Variants in KIF16B observed in about 807,000 individuals in gnomAD.
The protein encoded by KIF16B is kinesin family member 16B, also known as kinesin-like protein KIF16B.
A neutral mutation model predicts 156.3 loss-of-function variants in KIF16B; 98 were observed. The ratio of observed to expected loss-of-function variants is 0.63; its 90% CI spans 0.53 to 0.74. The LOEUF (loss-of-function observed/expected upper bound fraction) is 0.74, where lower values mean the gene tolerates loss of function less well. KIF16B is among the 30% of genes least tolerant of loss of function. The probability of loss-of-function intolerance (pLI) is 0.00; values close to 1 mark genes in which losing one functional copy is unlikely to be tolerated. For synonymous variants in KIF16B, 564 were observed against 583.7 expected (o/e 0.97, Z 0.49); for missense variants, 1,421 against 1,606.5 (o/e 0.88, Z 1.97).
At chr20:16,274,075 T>TAAA (rs56847164) in intron 25 of KIF16B, among the ~76,000 whole-genome samples, 81 of 118,750 alleles carry the variant, frequency 6.8e-4, no homozygotes, top group African/African-American at 2.5e-3. Context: ...GAAAGATGAT[T>TAAA]AAAAAAAAAA....
chr20:16,525,104 G>A (rs1462238832), intron 3 of KIF16B, among the ~76,000 whole-genome samples: 5 of 151,608 alleles, frequency 3.3e-5, no homozygotes, highest in Non-Finnish European at 2.9e-5. Flanking sequence ...GCAGCAAACC[G>A]CCATGGCACG....
rs75061145 is a variant in KIF16B at position 16,298,247 on chromosome 20, C to T, written c.3795+14088G>A. ...GGCCAGATAGGTTTGAGAACCACAG[C>T]TTTGGGACTCACATCCTCTGACCTT... On this transcript the variant is annotated intron_variant, in intron 25 of 25. Transcript: ENST00000354981. 1.8e-4 allele frequency among the ~76,000 whole-genome samples: 28 copies of T among 152,328 alleles called. No homozygotes were observed. In the East Asian group the frequency reaches 4.6e-3, roughly 25 times the overall value.
Position 16,507,979 on chromosome 20 carries a change from G to A in KIF16B, c.678C>T (p.Ile226=), listed in dbSNP as rs933748632. Residue 226 remains isoleucine (I), a synonymous_variant, in exon 7 of 26, where the codon ATC becomes ATT. Transcript: ENST00000354981. ...MNDVSSRSHA[I]FTIKFTQAKF... is the part of the protein sequence containing the mutation. ...TTACCTGAGTGAACTTGATGGTGAAGATGGCATGAGACCTGCTACTGACGT... is the reference window on the plus strand; with the variant it reads ...TTACCTGAGTGAACTTGATGGTGAAAATGGCATGAGACCTGCTACTGACGT... The A allele has an allele frequency of 6.2e-6, 10 of 1,614,148 alleles. No homozygotes were observed. Among genetic ancestry groups the A allele is most frequent in the Non-Finnish European group, 8.5e-6 (10 of 1,180,004 alleles).
intron 22 of KIF16B, chr20:16,367,101 T>C (rs1288772261): frequency 6.7e-7 from 1 of 1,501,360 alleles, no homozygotes; most frequent in Non-Finnish European, 8.9e-7. Context: ...CTTATTTTAT[T>C]AATGATCTCA....
In KIF16B at chr20:16,573,410, G is replaced by A; in HGVS notation, c.-135C>T. Reference sequence around the variant, plus strand: ...GCCCCTCTGCTCCCGGCCGGACCTGGAGTTCCGCGGCAGCCCCACCTGCCA... The same window carrying A: ...GCCCCTCTGCTCCCGGCCGGACCTGAAGTTCCGCGGCAGCCCCACCTGCCA... On this transcript the variant is annotated 5_prime_UTR_variant, in exon 1 of 26. Coordinates refer to ENST00000354981, the MANE Select transcript of KIF16B (RefSeq NM_024704.5). 12 of 987,096 alleles carry A rather than the reference G, an allele frequency of 1.2e-5. No individual in the cohort carries two copies. The highest frequency in any genetic ancestry group is 4.6e-5 in the Admixed American group (2 of 43,476). The allele number at this position is 987,096 out of a possible 1,614,324, so 61.1% of individuals were successfully genotyped here.
At chr20:16,300,819 T>C (rs1373194323) in intron 25 of KIF16B, among the ~76,000 whole-genome samples, 1 of 152,198 alleles carries the variant, frequency 6.6e-6, no homozygotes, top group Admixed American at 6.5e-5. Context: ...TTAGGACTGA[T>C]GAATCTACAT....
intron 1 of KIF16B, among the ~76,000 whole-genome samples, chr20:16,568,541 T>C (rs1010357784): frequency 6.6e-6 from 1 of 152,136 alleles, no homozygotes; most frequent in Admixed American, 6.5e-5. Flanking sequence ...TGCAGCTCTT[T>C]CGTGGATCAC....
chr20:16,419,664 C>G (rs2066176000), intron 15 of KIF16B, among the ~76,000 whole-genome samples: 1 of 152,004 alleles, frequency 6.6e-6, no homozygotes, highest in Non-Finnish European at 1.5e-5. Context: ...ACAAGTAAGA[C>G]CAAAGGAGTC....
chr20:16,330,866 T>C (rs935109507), intron 24 of KIF16B, among the ~76,000 whole-genome samples: 28 of 152,354 alleles, frequency 1.8e-4, no homozygotes, highest in Middle Eastern at 3.4e-3. Context: ...GGCTCCCTTC[T>C]GGCACGGGAT....
intron 25 of KIF16B, among the ~76,000 whole-genome samples, chr20:16,286,667 G>A (rs1223829339): frequency 1.3e-5 from 2 of 152,144 alleles, no homozygotes; most frequent in African/African-American, 4.8e-5. Context: ...CTTAGTCTAA[G>A]AGTGGAATCC....
intron 12 of KIF16B, among the ~76,000 whole-genome samples, chr20:16,446,950 A>G (rs972387781): frequency 6.6e-6 from 1 of 151,924 alleles, no homozygotes; most frequent in African/African-American, 2.4e-5. Flanking sequence ...CACCAACTCT[A>G]CTCCCACATT....
At chr20:16,490,564 C>T (rs1158882149) in intron 12 of KIF16B, among the ~76,000 whole-genome samples, 3 of 151,826 alleles carry the variant, frequency 2.0e-5, no homozygotes, top group Non-Finnish European at 2.9e-5. Context: ...TAGAAAAACA[C>T]ACAAAAAAGA....
intron 25 of KIF16B, among the ~76,000 whole-genome samples, chr20:16,288,869 C>T (rs1230203847): frequency 6.6e-6 from 1 of 151,560 alleles, no homozygotes; most frequent in Non-Finnish European, 1.5e-5. Context: ...ATGGTATGTA[C>T]CTTAGTAAAC....
Position 16,472,591 on chromosome 20 carries a change from C to A in KIF16B, c.1302+21700G>T, listed in dbSNP as rs375393171. Among the ~76,000 whole-genome samples, 3 of 151,638 alleles carry A rather than the reference C, an allele frequency of 2.0e-5. No individual in the cohort carries two copies. In the East Asian group the frequency reaches 5.8e-4, roughly 29 times the overall value. On this transcript the variant is annotated intron_variant, in intron 12 of 25. Transcript: ENST00000354981. ...AAAAAAAAAAAGTAAAAGGACCAAG[C>A]CCATTTCAGGAACAGAGAGACTCCC... is the stretch of plus-strand genomic sequence containing the variant.
chr20:16,417,661 A>G (rs576388699), intron 15 of KIF16B, among the ~76,000 whole-genome samples: 2 of 152,294 alleles, frequency 1.3e-5, no homozygotes, highest in African/African-American at 4.8e-5. Context: ...AAGTGGAAAA[A>G]TAAAAATTTC....
chr20:16,368,878 T>C (rs1485300759), intron 22 of KIF16B: 1 of 985,740 alleles, frequency 1.0e-6, no homozygotes, highest in Admixed American at 6.1e-5. Context: ...TCTCAAGCCA[T>C]GTTTATCTTT....
chr20:16,410,098 T>C (rs1486983990), intron 15 of KIF16B, among the ~76,000 whole-genome samples: 7 of 124,726 alleles, frequency 5.6e-5, no homozygotes, highest in Non-Finnish European at 3.4e-5. Flanking sequence ...TAGGTACATA[T>C]ATATATATGT....
At chr20:16,457,411 T>C (rs2067238844) in intron 12 of KIF16B, among the ~76,000 whole-genome samples, 1 of 152,228 alleles carries the variant, frequency 6.6e-6, no homozygotes, top group African/African-American at 2.4e-5. Context: ...TAACGAACGT[T>C]CAATGCTTGA....
In KIF16B at chr20:16,403,255, C is replaced by T. The variant is rs148149667; in HGVS notation, c.1784+1558G>A. On this transcript the variant is annotated intron_variant, in intron 17 of 25. Transcript: ENST00000354981. ...AAACAATATTTAACGGATGGGATCACACTATTTTAGCTGAAATTACACTAA... is the reference window on the plus strand; with the variant it reads ...AAACAATATTTAACGGATGGGATCATACTATTTTAGCTGAAATTACACTAA... Among the ~76,000 whole-genome samples, 158 of 152,280 alleles carry T rather than the reference C, an allele frequency of 1.0e-3. 1 individual carries two copies. Among genetic ancestry groups the T allele is most frequent in the Admixed American group, 2.6e-3 (40 of 15,294 alleles).
Sources: allele counts gnomAD v4.1 joint callset (sites outside exome capture counted in the v4.1 genomes callset), GRCh38; gene constraint gnomAD v4.1.1; transcripts MANE v1.5; gene names NCBI Gene and HGNC (gene_info 2026-07-23, HGNC 2026-07-21).